Variants in TBC1D31 observed in about 807,000 individuals in gnomAD.
TBC1D31 encodes the protein TBC1 domain family member 31.
In TBC1D31, 99 loss-of-function variants were observed where a neutral mutation model predicts 132.9. The observed-to-expected ratio is 0.74, with a 90% CI of 0.63 to 0.88. The LOEUF is 0.88. Ranked by LOEUF, TBC1D31 falls within the 40% of genes least tolerant of loss-of-function variation. The pLI is 0.00. For missense variants in TBC1D31, 1,134 were observed against 1,256.6 expected (o/e 0.90, Z 1.48); for synonymous variants, 385 against 419.4 (o/e 0.92, Z 1.00).
chr8:123,160,963 C>A, the TBC1D31 span, among the ~76,000 whole-genome samples: 7 of 152,276 alleles, frequency 4.6e-5, no homozygotes, highest in Non-Finnish European at 1.0e-4. Context: ...GGGAGGGGAC[C>A]GCTGGCTGCA....
intron 14 of TBC1D31, 53 bp downstream of exon 14, chr8:123,128,566 A>G (rs943079206): frequency 1.6e-6 from 2 of 1,277,654 alleles, no homozygotes; most frequent in Admixed American, 2.1e-5. Flanking sequence ...TGTTATAAAC[A>G]TAAGAAAGTT....
At chr8:123,109,435 A>C (rs1586641003) in intron 9 of TBC1D31, 39 bp downstream of exon 9, 1 of 1,591,484 alleles carries the variant, frequency 6.3e-7, no homozygotes, top group East Asian at 2.2e-5. Context: ...AGTTTTACTC[A>C]AAAAAAATTG....
intron 7 of TBC1D31, among the ~76,000 whole-genome samples, chr8:123,101,486 C>T (rs960854764): frequency 1.3e-5 from 2 of 152,166 alleles, no homozygotes; most frequent in African/African-American, 4.8e-5. Context: ...GCGATCTTGG[C>T]TCATTGCAAC....
the TBC1D31 span, among the ~76,000 whole-genome samples, chr8:123,164,997 C>G: frequency 6.6e-6 from 1 of 152,202 alleles, no homozygotes; most frequent in East Asian, 1.9e-4. Context: ...GCAGTAGTGT[C>G]TCTGAGGAGA....
At chr8:123,105,606 T>C (rs1817848894) in intron 8 of TBC1D31, 142 bp downstream of exon 8, 1 of 768,624 alleles carries the variant, frequency 1.3e-6, no homozygotes, top group Non-Finnish European at 1.9e-6. Flanking sequence ...ACCTAAATTA[T>C]GCACAGGCTG....
chr8:123,105,298 CT>C lies in TBC1D31; in HGVS notation c.1046del (p.Leu349Ter), dbSNP rs762658968. On this transcript the variant is annotated frameshift_variant, in exon 8 of 22. Coordinates refer to ENST00000287380, the MANE Select transcript of TBC1D31 (RefSeq NM_145647.4). LOFTEE classifies it high-confidence loss of function. ...LTQEINKPPP[P>X]LVKVIEDLPK... The stretch of plus-strand genomic sequence containing the variant: ...TATTTTTCCATTTAGCCACCTCCGC[CT>C]TTAGTGAAAGTTATTGAAGATTTGC... 1.3e-6 allele frequency: 2 copies of C among 1,558,286 alleles called. No individual in the cohort carries two copies. Among genetic ancestry groups the C allele is most frequent in the Non-Finnish European group, 1.7e-6 (2 of 1,151,764 alleles).
In TBC1D31 at chr8:123,129,184, C is replaced by A. The variant is rs749712060; in HGVS notation, c.2236C>A (p.Gln746Lys). Residue 746 changes from glutamine (Q) to lysine (K), a missense_variant, in exon 15 of 22, where the codon CAA (glutamine) becomes AAA (lysine). Gln to Lys is a moderately conservative substitution (Grantham distance 53). Transcript: ENST00000287380. ...AGAAACAAGAAGAGAAATGCTCTTA[C>A]AAGAGGAGGAGAAAATGATACAACA... ...AEETRREMLLQEEEKMIQQRQ... is the reference protein window; with the variant it reads ...AEETRREMLLKEEEKMIQQRQ... The A allele has an allele frequency of 1.4e-5, 22 of 1,602,692 alleles. No individual in the cohort carries two copies. The highest frequency in any genetic ancestry group is 3.3e-5 in the South Asian group (3 of 89,712).
chr8:123,081,362 T>C (rs1364206750), intron 2 of TBC1D31, among the ~76,000 whole-genome samples: 1 of 140,170 alleles, frequency 7.1e-6, no homozygotes, highest in East Asian at 2.1e-4. Flanking sequence ...CTGCTACTAC[T>C]ACCTACTAGA....
At chr8:123,086,290 C>G (rs1815737594) in intron 4 of TBC1D31, among the ~76,000 whole-genome samples, 1 of 152,206 alleles carries the variant, frequency 6.6e-6, no homozygotes. Context: ...GAAGCATTTA[C>G]TATGCTTCAG....
rs143536611 is a variant in TBC1D31 at position 123,081,671 on chromosome 8, C to T, written c.225-1031C>T. 3.9e-3 allele frequency among the ~76,000 whole-genome samples: 596 copies of T among 152,336 alleles called. 1 individual carries two copies. Among genetic ancestry groups the T allele is most frequent in the African/African-American group, 0.014 (578 of 41,580 alleles). On this transcript the variant is annotated intron_variant, in intron 2 of 21. Transcript: ENST00000287380. ...TAAAGAAAAAGAGGTTTAATGGACT[C>T]TCTGTTCCATGTAGCTGGGGAGGCC... is the stretch of plus-strand genomic sequence containing the variant.
At chr8:123,091,871 A>G (rs1301721439) in intron 4 of TBC1D31, among the ~76,000 whole-genome samples, 1 of 152,248 alleles carries the variant, frequency 6.6e-6, no homozygotes, top group Admixed American at 6.5e-5. Context: ...CAACTTTACT[A>G]TCAGTTTCAT....
At position 123,109,402 on chromosome 8, in the gene TBC1D31, A is replaced by G. The variant is rs753043875; in HGVS notation, c.1289+6A>G. The stretch of plus-strand genomic sequence containing the variant: ...GAATATCCAACAAAATACAGGTACA[A>G]TTTAAATTCTGTATGTTACATCAGT... On this transcript the variant is annotated splice_donor_region_variant and intron_variant, in intron 9 of 21. Coordinates refer to ENST00000287380, the MANE Select transcript of TBC1D31 (RefSeq NM_145647.4). 2.5e-5 allele frequency: 41 copies of G among 1,609,548 alleles called. No homozygotes were observed. Among genetic ancestry groups the G allele is most frequent in the Non-Finnish European group, 3.4e-5 (40 of 1,177,496 alleles).
chr8:123,156,372 C>A (rs1713734), downstream of TBC1D31, among the ~76,000 whole-genome samples: 4 of 148,712 alleles, frequency 2.7e-5, no homozygotes, highest in African/African-American at 1.0e-4. Flanking sequence ...ACCTGGGAGG[C>A]GGAGGTTGCA....
intron 2 of TBC1D31, among the ~76,000 whole-genome samples, chr8:123,080,480 G>T (rs1178478309): frequency 7.0e-6 from 1 of 143,288 alleles, no homozygotes. Flanking sequence ...GCAAATTTAT[G>T]TAAACTTTTA....
intron 6 of TBC1D31, 143 bp from the exon 7 acceptor site, chr8:123,100,664 A>G: frequency 2.3e-6 from 1 of 437,082 alleles, no homozygotes; most frequent in Non-Finnish European, 4.1e-6. Flanking sequence ...CTCTCAAAAT[A>G]TATATATTTA....
rs756134986 is a variant in TBC1D31, at chr8:123,129,263, T to C, written c.2270+45T>C. 130 of 1,308,550 alleles carry C rather than the reference T, an allele frequency of 9.9e-5. No individual in the cohort carries two copies. The South Asian group carries it at 1.7e-3, about 17-fold the overall frequency. The allele number at this position is 1,308,550 out of a possible 1,614,324, so 81.1% of individuals were successfully genotyped here. A position where few individuals can be genotyped will look rare whatever the true frequency, so the allele number is the denominator to read the frequency against. On this transcript the variant is annotated intron_variant, in intron 15 of 21. Coordinates refer to ENST00000287380, the MANE Select transcript of TBC1D31 (RefSeq NM_145647.4). ...AAAAAAATCTGGACATATAAGTTAG[T>C]TGAATAATTTTTATGTTCTTTCATT...
intron 21 of TBC1D31, 86 bp downstream of exon 21, chr8:123,150,214 G>C: frequency 1.0e-6 from 1 of 959,402 alleles, no homozygotes; most frequent in East Asian, 2.6e-5. Flanking sequence ...TATATTTATA[G>C]CATGTGGACG....
chr8:123,162,455 C>T, the TBC1D31 span, among the ~76,000 whole-genome samples: 2 of 152,070 alleles, frequency 1.3e-5, no homozygotes. Context: ...ACCCAGGCAA[C>T]CATCCAGGCC....
intron 4 of TBC1D31, among the ~76,000 whole-genome samples, chr8:123,087,699 T>C (rs1438300407): frequency 1.3e-5 from 2 of 152,246 alleles, no homozygotes; most frequent in Admixed American, 6.5e-5. Flanking sequence ...AAAATGAGTA[T>C]ACGCTGAATA....
Sources: allele counts gnomAD v4.1 joint callset (sites outside exome capture counted in the v4.1 genomes callset), GRCh38; gene constraint gnomAD v4.1.1; transcripts MANE v1.5; gene names NCBI Gene and HGNC (gene_info 2026-07-23, HGNC 2026-07-21).